NLRP12: variants seen among roughly 807,000 people sequenced by gnomAD.
NLRP12 encodes the protein NACHT, LRR and PYD domains-containing protein 12.
In NLRP12, 108 loss-of-function variants were observed where a neutral mutation model predicts 91.2. That is an observed-to-expected ratio of 1.18 (90% CI 1.01 to 1.39). NLRP12 has a LOEUF of 1.39. Ranked by LOEUF, NLRP12 falls within the 40% of genes most tolerant of loss-of-function variation. NLRP12 has a pLI of 0.00. For missense variants in NLRP12, 1,530 were observed against 1,352.7 expected (o/e 1.13, Z -2.06); for synonymous variants, 613 against 566.7 (o/e 1.08, Z -1.16).
chr19:53,823,995 G>A lies in NLRP12; in HGVS notation c.180C>T (p.Leu60=), dbSNP rs1265068211. The A allele has an allele frequency of 6.2e-7, 1 of 1,614,190 alleles. No homozygotes were observed. Among genetic ancestry groups the A allele is most frequent in the Admixed American group, 1.7e-5 (1 of 59,992 alleles). ...CCTCCTCTGGCCCGAAGTGGGTGAT[G>A]AGCAGCTGGGCCATTTCCAGGGGAC... ...KAGPLEMAQL[L]ITHFGPEEAW... is the part of the protein sequence containing the mutation. The change falls in exon 1 of 10, where the codon CTC becomes CTT. Residue 60 remains leucine, a synonymous_variant. Coordinates refer to ENST00000324134, the MANE Select transcript of NLRP12 (RefSeq NM_144687.4).
chr19:53,806,715 G>A (rs143308351), intron 4 of NLRP12, among the ~76,000 whole-genome samples: 4,460 of 148,160 alleles, frequency 0.03, 133 homozygotes, highest in Admixed American at 0.069. Context: ...GAAATTAGCC[G>A]GGTGTGGTTG....
intron 1 of NLRP12, among the ~76,000 whole-genome samples, chr19:53,820,620 G>A (rs1037906183): frequency 5.9e-5 from 9 of 152,062 alleles, no homozygotes; most frequent in Admixed American, 3.3e-4. Flanking sequence ...GAGGCAGGCG[G>A]ATCACTTCAG....
chr19:53,809,586 C>T lies in NLRP12; in HGVS notation c.2072+1G>A, dbSNP rs766603266. The T allele has an allele frequency of 1.9e-6, 3 of 1,554,506 alleles. No individual in the cohort carries two copies. The highest frequency in any genetic ancestry group is 2.2e-5 in the South Asian group (2 of 90,406). On this transcript the variant is annotated splice_donor_variant, in intron 3 of 9. Coordinates refer to ENST00000324134, the MANE Select transcript of NLRP12 (RefSeq NM_144687.4). LOFTEE classifies it high-confidence loss of function. The stretch of plus-strand genomic sequence containing the variant: ...CCAGGGGATACCCCAGGGATACTTA[C>T]AGCTGCACCAACAGCGTGTGCGCTC...
chr19:53,824,400 T>C (rs547032329), upstream of NLRP12: 302 of 557,456 alleles, frequency 5.4e-4, no homozygotes, highest in Middle Eastern at 3.4e-3. Context: ...CCAATGGCTG[T>C]TCTGGGTGGA....
At chr19:53,797,544 G>A (rs1009467945) in intron 8 of NLRP12, among the ~76,000 whole-genome samples, 3 of 151,446 alleles carry the variant, frequency 2.0e-5, no homozygotes, top group African/African-American at 4.9e-5. Context: ...TCAACCTCCC[G>A]AGTAGCTGGG....
At position 53,811,086 on chromosome 19, in the gene NLRP12, A is replaced by T; in HGVS notation, c.573T>A (p.Ala191=). The stretch of plus-strand genomic sequence containing the variant: ...AGAGGGTCTCTATCTTGATGGGGCT[A>T]GCCTGGTGTCCCACGGTCCTCGCGT... ...RGHARTVGHQ[A]SPIKIETLFE... Residue 191 remains alanine, a synonymous_variant, in exon 3 of 10, where the codon GCT becomes GCA. Transcript: ENST00000324134. 6.2e-7 allele frequency: 1 copy of T among 1,613,778 alleles called. No homozygotes were observed. Among genetic ancestry groups the T allele is most frequent in the Non-Finnish European group, 8.5e-7 (1 of 1,179,772 alleles).
intron 9 of NLRP12, among the ~76,000 whole-genome samples, chr19:53,795,114 G>A (rs868848656): frequency 3.4e-5 from 5 of 149,188 alleles, no homozygotes; most frequent in African/African-American, 1.2e-4. Context: ...GTGCGTGTGT[G>A]TGTGTGTGTG....
intron 6 of NLRP12, among the ~76,000 whole-genome samples, chr19:53,801,818 C>G (rs1263901264): frequency 2.0e-5 from 3 of 151,970 alleles, no homozygotes; most frequent in African/African-American, 7.2e-5. Flanking sequence ...AAGGGCCCGG[C>G]CTGGTGGCTC....
At chr19:53,808,798 CTT>C (rs2092004654) in intron 3 of NLRP12, 1 of 152,194 alleles carries the variant, frequency 6.6e-6, no homozygotes, top group Non-Finnish European at 1.5e-5. Context: ...ACTATTGACA[CTT>C]TGGGGCCAGA....
At chr19:53,819,848 G>A (rs908870307) in intron 1 of NLRP12, among the ~76,000 whole-genome samples, 1 of 149,188 alleles carries the variant, frequency 6.7e-6, no homozygotes, top group South Asian at 2.1e-4. Flanking sequence ...AGAGAGGAGA[G>A]GGAGAGAAAA....
Position 53,823,460 on chromosome 19 carries a change from T to TAAAATATATGTTTTAAATATATATTTTA in NLRP12, c.289+425_289+426insTAAAATATATATTTAAAACATATATTTT, listed in dbSNP as rs376319221. Among the ~76,000 whole-genome samples the TAAAATATATGTTTTAAATATATATTTTA allele has an allele frequency of 5.4e-5, 6 of 111,190 alleles. No individual in the cohort carries two copies. The South Asian group carries it at 1.5e-3, about 28-fold the overall frequency. 72.9% of individuals were successfully genotyped at this position (111,190 alleles called of 152,430 possible). A position where few individuals can be genotyped will look rare whatever the true frequency, so the allele number is the denominator to read the frequency against. On this transcript the variant is annotated intron_variant, in intron 1 of 9. Transcript: ENST00000324134. ...AAATATATGTTTTAAATATATATTT[T>TAAAATATATGTTTTAAATATATATTTTA]AAATATATATTTAAAATATATATTT...
chr19:53,799,004 C>A (rs2091821429), intron 7 of NLRP12, among the ~76,000 whole-genome samples: 1 of 139,684 alleles, frequency 7.2e-6, no homozygotes. Context: ...AGCCTCCTAT[C>A]TACAAATTTT....
In NLRP12 at chr19:53,798,286, C is replaced by A; in HGVS notation, c.2884G>T (p.Ala962Ser). Residue 962 changes from alanine (A) to serine (S), a missense_variant, in exon 8 of 10, where the codon GCT (alanine) becomes TCT (serine). Transcript: ENST00000324134. ...DLGDWGLWLLAEGLQHPACRL... is the reference protein window; with the variant it reads ...DLGDWGLWLLSEGLQHPACRL... ...CAGGCGGGATGTTGCAGCCCCTCAG[C>A]CAGCAACCACAGGCCCCAGTCTCCC... The A allele has an allele frequency of 6.2e-7, 1 of 1,614,220 alleles. No individual in the cohort carries two copies. The highest frequency in any genetic ancestry group is 8.5e-7 in the Non-Finnish European group (1 of 1,180,042).
At chr19:53,804,614 T>C (rs1176511815) in intron 5 of NLRP12, among the ~76,000 whole-genome samples, 2 of 150,762 alleles carry the variant, frequency 1.3e-5, no homozygotes, top group African/African-American at 4.9e-5. Flanking sequence ...TTTCTCCGTG[T>C]TGGCCAGGCT....
intron 2 of NLRP12, among the ~76,000 whole-genome samples, chr19:53,813,299 C>CTTTTTTTTTTTTTTTTTTTTT (rs1160039078): frequency 1.6e-4 from 14 of 86,036 alleles, no homozygotes; most frequent in Non-Finnish European, 2.2e-4. Context: ...TTTTTCTTTT[C>CTTTTTTTTTTTTTTTTTTTTT]TTTTTTTTTT....
At position 53,809,663 on chromosome 19, in the gene NLRP12, A is replaced by G. The variant is rs766112183; in HGVS notation, c.1996T>C (p.Tyr666His). ...RCRSAQVLHL[Y>H]GATYSADGED... ...CCGTCCGCGCTGTAGGTGGCGCCAT[A>G]CAAGTGCAGCACCTGGGCGCTCCTG... The change falls in exon 3 of 10, where the codon TAT becomes CAT. Residue 666 changes from tyrosine (Y) to histidine (H), a missense_variant. Physicochemically the swap from Tyr to His is moderately conservative, Grantham distance 83. Transcript: ENST00000324134. 26 of 1,613,902 alleles carry G rather than the reference A, an allele frequency of 1.6e-5. No homozygotes were observed. The highest frequency in any genetic ancestry group is 1.3e-4 in the Admixed American group (8 of 60,004).
At chr19:53,795,342 T>C (rs1281743435) in intron 9 of NLRP12, among the ~76,000 whole-genome samples, 1 of 151,580 alleles carries the variant, frequency 6.6e-6, no homozygotes, top group Admixed American at 6.6e-5. Context: ...TCCAATGCAA[T>C]TGGTGAGCCA....
chr19:53,819,626 C>CATGCGTATATATGTATACGTATATATAT (rs10655031), intron 1 of NLRP12, among the ~76,000 whole-genome samples: 1 of 41,564 alleles, frequency 2.4e-5, no homozygotes, highest in Admixed American at 2.6e-4. Context: ...TACGTATATA[C>CATGCGTATATATGTATACGTATATATAT]GCGTATATAT....
At chr19:53,796,072 C>T in intron 8 of NLRP12, 43 bp from the exon 9 acceptor site, 1 of 1,590,882 alleles carries the variant, frequency 6.3e-7, no homozygotes, top group Non-Finnish European at 8.6e-7. Context: ...CCAGGGGCTA[C>T]TTATGTTATT....
Sources: gnomAD v4.1 joint callset for allele counts (sites outside exome capture counted in the v4.1 genomes callset) on GRCh38, gnomAD v4.1.1 for gene constraint, MANE v1.5 for transcripts, NCBI Gene and HGNC (gene_info 2026-07-23, HGNC 2026-07-21) for gene names.